Variants in WDR90 observed in about 807,000 individuals in gnomAD.
The protein encoded by WDR90 is WD repeat-containing protein 90.
WDR90 carries 238 observed loss-of-function variants against 195.2 expected under a neutral mutation model. That is an observed-to-expected ratio of 1.22 (90% CI 1.10 to 1.36). The LOEUF is 1.36. Among genes scored for constraint, WDR90 ranks in the 40% most tolerant of loss-of-function variants. WDR90 has a pLI of 0.00. For synonymous variants in WDR90, 1,265 were observed against 1,052.4 expected, an observed-to-expected ratio of 1.20 and a Z score of -3.91; for missense variants, 2,734 against 2,439.5, an observed-to-expected ratio of 1.12 and a Z score of -2.54.
rs376492142 is a variant in WDR90 at position 650,059 on chromosome 16, C to T, written c.171C>T (p.Leu57=). The change falls in exon 3 of 41, where the codon CTC becomes CTT. Residue 57 remains leucine, a synonymous_variant. Coordinates refer to ENST00000293879, the MANE Select transcript of WDR90 (RefSeq NM_145294.5). ...GSVSAANYIQ[L]PKSSTQSLGL... is the part of the protein sequence containing the mutation. The stretch of plus-strand genomic sequence containing the variant: ...TCTCTGCCGCCAACTACATCCAGCT[C>T]CCTAAGAGCAGCACCCAGTCTCTGG... 3.2e-5 allele frequency: 51 copies of T among 1,612,830 alleles called. No homozygotes were observed. Among genetic ancestry groups the T allele is most frequent in the Non-Finnish European group, 3.8e-5 (45 of 1,179,994 alleles).
intron 34 of WDR90, 28 bp from the exon 35 acceptor site, chr16:665,650 AC>A: frequency 6.2e-7 from 1 of 1,612,126 alleles, no homozygotes; most frequent in Non-Finnish European, 8.5e-7. Context: ...AGGGGCCAAC[AC>A]CCCCAGCCTA....
intron 26 of WDR90, 51 bp from the exon 27 acceptor site, chr16:660,007 T>A: frequency 7.2e-7 from 1 of 1,380,794 alleles, no homozygotes; most frequent in East Asian, 2.5e-5. Context: ...GTGGGGTCTC[T>A]GAAGAGCTCA....
intron 13 of WDR90, chr16:654,747 G>A (rs912996708): frequency 8.5e-6 from 4 of 470,818 alleles, no homozygotes; most frequent in Non-Finnish European, 1.5e-5. Flanking sequence ...ACTGTGCCCA[G>A]CCACGAGCTG....
Position 666,574 on chromosome 16 carries a change from T to A in WDR90, c.4860T>A (p.Ser1620Arg). ...ACTGTGAGCTTGTGGACTGGTTGAGTTTCCCAATGCCTGCCACCACGGAGG... is the reference window on the plus strand; with the variant it reads ...ACTGTGAGCTTGTGGACTGGTTGAGATTCCCAATGCCTGCCACCACGGAGG... ...RNHCELVDWL[S>R]FPMPATTETQ... Residue 1620 changes from serine to arginine, a missense_variant, in exon 38 of 41, where the codon AGT (serine) becomes AGA (arginine). By Grantham distance (110) the Ser-to-Arg change is moderately radical (BLOSUM62 -1). Transcript: ENST00000293879. The A allele has an allele frequency of 1.2e-6, 2 of 1,612,374 alleles. No homozygotes were observed. Among genetic ancestry groups the A allele is most frequent in the Non-Finnish European group, 1.7e-6 (2 of 1,179,846 alleles).
At position 658,918 on chromosome 16, in the gene WDR90, C is replaced by T. The variant is rs767957963; in HGVS notation, c.2918C>T (p.Pro973Leu). ...TAGGTGTACATCGGCCACTCGGAAC[C>T]CGTGCAGGCTGTGGCCTTCTCTCCT... is the stretch of plus-strand genomic sequence containing the variant. ...GPQVYIGHSE[P>L]VQAVAFSPDQ... Residue 973 changes from proline to leucine, a missense_variant, in exon 24 of 41, where the codon CCC becomes CTC. By Grantham distance (98) the Pro-to-Leu change is moderately conservative. Transcript: ENST00000293879. The T allele has an allele frequency of 1.2e-5, 20 of 1,612,492 alleles. No homozygotes were observed. Among genetic ancestry groups the T allele is most frequent in the Admixed American group, 1.7e-5 (1 of 60,012 alleles).
Position 661,594 on chromosome 16 carries a change from C to T in WDR90, c.3674-3C>T, listed in dbSNP as rs749196526. ...TGACGTGGCTGCTCTGTGTCCTTCC[C>T]AGGGGACCACGATGGCCGCACCCTC... On this transcript the variant is annotated splice_polypyrimidine_tract_variant and splice_region_variant and intron_variant, in intron 30 of 40. Transcript: ENST00000293879. The T allele has an allele frequency of 1.3e-6, 2 of 1,586,262 alleles. No individual in the cohort carries two copies. Among genetic ancestry groups the T allele is most frequent in the Admixed American group, 1.7e-5 (1 of 58,350 alleles).
In WDR90 at chr16:666,180, C is replaced by T. The variant is rs748480825; in HGVS notation, c.4610-40C>T. 3.1e-5 allele frequency: 50 copies of T among 1,606,332 alleles called. No homozygotes were observed. In the Admixed American group the frequency reaches 7.8e-4, roughly 25 times the overall value. ...CGTCCTGACCTGGCCCAGGTCCAGT[C>T]TCCGGGCTGGGGGCTCACAGGGTGA... On this transcript the variant is annotated intron_variant, in intron 36 of 40. Coordinates refer to ENST00000293879, the MANE Select transcript of WDR90 (RefSeq NM_145294.5).
At position 650,070 on chromosome 16, in the gene WDR90, G is replaced by A; in HGVS notation, c.182G>A (p.Ser61Asn). ...AACTACATCCAGCTCCCTAAGAGCA[G>A]CACCCAGTCTCTGGGGCTGACGGGA... ...AANYIQLPKS[S>N]TQSLGLTGRY... Residue 61 changes from serine to asparagine, a missense_variant, in exon 3 of 41, where the codon AGC becomes AAC. Ser to Asn is a conservative substitution (Grantham distance 46). Transcript: ENST00000293879. The A allele has an allele frequency of 1.9e-6, 3 of 1,612,968 alleles. No individual in the cohort carries two copies. The highest frequency in any genetic ancestry group is 2.5e-6 in the Non-Finnish European group (3 of 1,179,984).
Position 652,505 on chromosome 16 carries a change from C to T in WDR90, c.1092C>T (p.Val364=). ...LPDPVLRLKG[V]IGFGGHGTRQ... is the part of the protein sequence containing the mutation. ...ACCCAGTCCTGAGGCTCAAGGGCGTCATCGGCTTTGGGGGCCACGGCACCA... is the reference window on the plus strand; with the variant it reads ...ACCCAGTCCTGAGGCTCAAGGGCGTTATCGGCTTTGGGGGCCACGGCACCA... The change falls in exon 10 of 41, where the codon GTC becomes GTT. Residue 364 remains valine (V), a synonymous_variant. Coordinates refer to ENST00000293879, the MANE Select transcript of WDR90 (RefSeq NM_145294.5). The T allele has an allele frequency of 6.2e-7, 1 of 1,610,630 alleles. No homozygotes were observed. The highest frequency in any genetic ancestry group is 8.5e-7 in the Non-Finnish European group (1 of 1,178,324).
Position 666,020 on chromosome 16 carries a change from A to T in WDR90, c.4505A>T (p.Tyr1502Phe). ...GAGCAGCAGCGGCTAGCGGCTGGCTACGGTGACGGCTCCCTGCGCATCTTC... is the reference window on the plus strand; with the variant it reads ...GAGCAGCAGCGGCTAGCGGCTGGCTTCGGTGACGGCTCCCTGCGCATCTTC... ...RPEQQRLAAG[Y>F]GDGSLRIFSV... Residue 1502 changes from tyrosine to phenylalanine, a missense_variant, in exon 36 of 41, where the codon TAC becomes TTC. By Grantham distance (22) the Tyr-to-Phe change is conservative. Coordinates refer to ENST00000293879, the MANE Select transcript of WDR90 (RefSeq NM_145294.5). 6.2e-7 allele frequency: 1 copy of T among 1,604,118 alleles called. No homozygotes were observed. The highest frequency in any genetic ancestry group is 8.5e-7 in the Non-Finnish European group (1 of 1,179,784).
At position 651,966 on chromosome 16, in the gene WDR90, C is replaced by G; in HGVS notation, c.980C>G (p.Thr327Arg). 1 of 1,606,906 alleles carries G rather than the reference C, an allele frequency of 6.2e-7. No homozygotes were observed. The highest frequency in any genetic ancestry group is 8.5e-7 in the Non-Finnish European group (1 of 1,177,830). ...WAQLEASDIH[T>R]AAAGTHVLTH... ...CAGCTGGAGGCCTCTGACATCCACA[C>G]GGCTGCTGCCGGCACCCACGTGTTG... is the stretch of plus-strand genomic sequence containing the variant. The change falls in exon 9 of 41, where the codon ACG (threonine) becomes AGG (arginine). Residue 327 changes from threonine to arginine, a missense_variant. Thr to Arg is a moderately conservative substitution (Grantham distance 71). Coordinates refer to ENST00000293879, the MANE Select transcript of WDR90 (RefSeq NM_145294.5).
chr16:658,970 G>A lies in WDR90; in HGVS notation c.2970G>A (p.Gly990=), dbSNP rs774534386. The change falls in exon 24 of 41, where the codon GGG becomes GGA. Residue 990 remains glycine, a synonymous_variant. Transcript: ENST00000293879. Reference sequence around the variant, plus strand: ...ACCAGCAGCAGGTCCTCAGCGCAGGGGACGCCGTCTTCCTCTGGGATGTCC... The same window carrying A: ...ACCAGCAGCAGGTCCTCAGCGCAGGAGACGCCGTCTTCCTCTGGGATGTCC... ...SPDQQQVLSA[G]DAVFLWDVLA... 6.2e-7 allele frequency: 1 copy of A among 1,612,860 alleles called. No individual in the cohort carries two copies. Among genetic ancestry groups the A allele is most frequent in the South Asian group, 1.1e-5 (1 of 91,076 alleles).
intron 15 of WDR90, 45 bp downstream of exon 15, chr16:655,513 C>T: frequency 6.5e-7 from 1 of 1,542,142 alleles, no homozygotes; most frequent in East Asian, 2.3e-5. Context: ...CATGGGGGCC[C>T]TGGTGCCTGG....
chr16:651,679 C>T lies in WDR90; in HGVS notation c.772C>T (p.Pro258Ser), dbSNP rs1248839589. 6.2e-7 allele frequency: 1 copy of T among 1,612,976 alleles called. No individual in the cohort carries two copies. Among genetic ancestry groups the T allele is most frequent in the Admixed American group, 1.7e-5 (1 of 60,026 alleles). ...GCCGGGGCCACAGCCTCTCCCTTGC[C>T]CGGTGGCCTCCAGCAAACCTGTGCG... ...LGPGPQPLPC[P>S]VASSKPVRFS... The change falls in exon 8 of 41, where the codon CCG becomes TCG. Residue 258 changes from proline (P) to serine (S), a missense_variant. Physicochemically the swap from Pro to Ser is moderately conservative, Grantham distance 74. Transcript: ENST00000293879.
chr16:652,156 C>G, intron 9 of WDR90, 117 bp downstream of exon 9: 1 of 1,257,716 alleles, frequency 8.0e-7, no homozygotes, highest in Admixed American at 2.2e-5. Flanking sequence ...TCTTGTTCAG[C>G]CTCCTGGCAA....
chr16:664,240 G>T (rs575370304), intron 34 of WDR90, among the ~76,000 whole-genome samples: 1 of 152,080 alleles, frequency 6.6e-6, no homozygotes, highest in South Asian at 2.1e-4. Context: ...CCTGCTTCCC[G>T]CCTCCCCAGC....
chr16:658,411 C>T (rs1439983333), intron 22 of WDR90, 67 bp downstream of exon 22: 1 of 1,583,540 alleles, frequency 6.3e-7, no homozygotes, highest in East Asian at 2.3e-5. Flanking sequence ...GCCTCTGTGC[C>T]TGCAGCCTCT....
chr16:650,233 G>A lies in WDR90; in HGVS notation c.280-21G>A, dbSNP rs772243200. 5.6e-6 allele frequency: 9 copies of A among 1,611,446 alleles called. No individual in the cohort carries two copies. The South Asian group carries it at 9.9e-5, about 18-fold the overall frequency. On this transcript the variant is annotated intron_variant, in intron 3 of 40. Transcript: ENST00000293879. The stretch of plus-strand genomic sequence containing the variant: ...ACCCCTGCGGCCCCTGTCTCCTCAC[G>A]GCCCTGCTCCGTCCCCACAGGACAA...
chr16:656,203 G>A (rs1261223882), intron 17 of WDR90, 99 bp from the exon 18 acceptor site: 5 of 1,133,700 alleles, frequency 4.4e-6, no homozygotes, highest in Non-Finnish European at 6.3e-6. Flanking sequence ...ACTTTGAGCA[G>A]CAGGGAGTGC....
Sources: gnomAD v4.1 joint callset for allele counts (sites outside exome capture counted in the v4.1 genomes callset) on GRCh38, gnomAD v4.1.1 for gene constraint, MANE v1.5 for transcripts, NCBI Gene and HGNC (gene_info 2026-07-23, HGNC 2026-07-21) for gene names.